SPAG16: variants seen among roughly 807,000 people sequenced by gnomAD.
SPAG16 encodes the protein sperm-associated antigen 16 protein.
SPAG16 carries 86 observed loss-of-function variants against 80.4 expected under a neutral mutation model. That is an observed-to-expected ratio of 1.07 (90% CI 0.90 to 1.28). The LOEUF (loss-of-function observed/expected upper bound fraction) is 1.28. Ranked by LOEUF, SPAG16 falls within the 50% of genes most tolerant of loss-of-function variation. The pLI is 0.00. For synonymous variants in SPAG16, 294 were observed against 265.9 expected (o/e 1.11, Z -1.03); for missense variants, 870 against 765.3 (o/e 1.14, Z -1.61).
chr2:213,832,596 T>C, intron 10 of SPAG16, among the ~76,000 whole-genome samples: 1 of 151,782 alleles, frequency 6.6e-6, no homozygotes, highest in East Asian at 1.9e-4. Flanking sequence ...TCCAGAGGAG[T>C]CCAGCCCTAT....
chr2:213,680,199 A>C (rs1439179975), intron 10 of SPAG16, among the ~76,000 whole-genome samples: 1 of 152,130 alleles, frequency 6.6e-6, no homozygotes, highest in Non-Finnish European at 1.5e-5. Flanking sequence ...CACCACTGGC[A>C]GAAAATTGAA....
chr2:213,371,940 T>C (rs915922159), intron 8 of SPAG16, among the ~76,000 whole-genome samples: 2 of 152,176 alleles, frequency 1.3e-5, no homozygotes, highest in African/African-American at 4.8e-5. Flanking sequence ...CAATTTTACA[T>C]TTATTCTTTA....
intron 9 of SPAG16, among the ~76,000 whole-genome samples, chr2:213,403,671 A>G (rs2068452938): frequency 1.3e-5 from 2 of 152,178 alleles, no homozygotes; most frequent in African/African-American, 4.8e-5. Context: ...CCCTCTCATC[A>G]TTCCTATTCA....
intron 12 of SPAG16, among the ~76,000 whole-genome samples, chr2:213,980,725 T>TATATATATATATATATAGAGAGAG (rs374274176): frequency 7.7e-4 from 80 of 103,952 alleles, no homozygotes; most frequent in Non-Finnish European, 9.9e-4. Context: ...TATATATATA[T>TATATATATATATATATAGAGAGAG]AGAGAGAGAG....
intron 10 of SPAG16, among the ~76,000 whole-genome samples, chr2:213,843,880 C>A (rs2074483777): frequency 6.6e-6 from 1 of 151,906 alleles, no homozygotes; most frequent in Non-Finnish European, 1.5e-5. Context: ...AGAACCCCTT[C>A]TTTTTTGGTC....
chr2:214,227,702 A>ATGTGTGTGTG lies in SPAG16; in HGVS notation c.1720+78464_1720+78473dup, dbSNP rs3044944. 8.9e-3 allele frequency among the ~76,000 whole-genome samples: 1,300 copies of ATGTGTGTGTG among 145,736 alleles called. 12 individuals carry two copies. The highest frequency in any genetic ancestry group is 0.035 in the Middle Eastern group (10 of 284). ...TAAATTTCTTTCTTGTGGAAGGTGT[A>ATGTGTGTGTG]TGTGTGTGTGTGTGTGTGTGTGTGT... On this transcript the variant is annotated intron_variant, in intron 15 of 15. Coordinates refer to ENST00000331683, the MANE Select transcript of SPAG16 (RefSeq NM_024532.5).
At chr2:214,144,037 A>G (rs760943623) in intron 14 of SPAG16, among the ~76,000 whole-genome samples, 76 of 152,156 alleles carry the variant, frequency 5.0e-4, no homozygotes, top group Non-Finnish European at 9.4e-4. Context: ...AAACACCTGT[A>G]GTTTCAACTA....
chr2:213,492,469 G>A (rs1384120509), intron 10 of SPAG16, among the ~76,000 whole-genome samples: 1 of 151,988 alleles, frequency 6.6e-6, no homozygotes, highest in Non-Finnish European at 1.5e-5. Flanking sequence ...AGAATGGCAT[G>A]AACCCGGGAG....
At chr2:214,196,997 A>G (rs1223587922) in intron 15 of SPAG16, among the ~76,000 whole-genome samples, 1 of 152,016 alleles carries the variant, frequency 6.6e-6, no homozygotes, top group African/African-American at 2.4e-5. Context: ...GTATAAATCT[A>G]ACAGCCATAA....
intron 15 of SPAG16, among the ~76,000 whole-genome samples, chr2:214,220,486 A>T (rs1333140836): frequency 1.3e-5 from 2 of 152,148 alleles, no homozygotes; most frequent in Non-Finnish European, 2.9e-5. Context: ...AGGTAACCTT[A>T]AAGTTAAGTC....
chr2:214,092,676 A>G (rs2052301402), intron 13 of SPAG16, among the ~76,000 whole-genome samples: 1 of 152,110 alleles, frequency 6.6e-6, no homozygotes, highest in South Asian at 2.1e-4. Flanking sequence ...TCTGCCAATT[A>G]TTAACTTATT....
intron 15 of SPAG16, among the ~76,000 whole-genome samples, chr2:214,407,129 C>T (rs1314207957): frequency 2.0e-5 from 3 of 151,738 alleles, no homozygotes; most frequent in Non-Finnish European, 4.4e-5. Context: ...TTTAAAATAC[C>T]TTTATAAATC....
chr2:213,982,610 G>GGTGT (rs57529616), intron 12 of SPAG16, among the ~76,000 whole-genome samples: 25,486 of 141,704 alleles, frequency 0.18, 2,375 homozygotes, highest in African/African-American at 0.21. Context: ...TATAGTTTCT[G>GGTGT]GTGTGTGTGT....
chr2:213,922,588 G>A (rs2078275217), intron 11 of SPAG16, among the ~76,000 whole-genome samples: 1 of 152,152 alleles, frequency 6.6e-6, no homozygotes. Context: ...ATTATTTAGA[G>A]GAAAGAAGGT....
intron 15 of SPAG16, among the ~76,000 whole-genome samples, chr2:214,333,259 T>C (rs1697053994): frequency 6.6e-6 from 1 of 152,216 alleles, no homozygotes; most frequent in East Asian, 1.9e-4. Context: ...TATATATGCT[T>C]GATTTCCTTG....
At chr2:213,314,107 T>C (rs1238536717) in intron 4 of SPAG16, among the ~76,000 whole-genome samples, 1 of 151,906 alleles carries the variant, frequency 6.6e-6, no homozygotes, top group Non-Finnish European at 1.5e-5. Context: ...TTAAATGCTT[T>C]TGTTATGTGG....
chr2:213,472,129 C>T (rs925274175), intron 9 of SPAG16, among the ~76,000 whole-genome samples: 2 of 152,034 alleles, frequency 1.3e-5, no homozygotes, highest in Non-Finnish European at 2.9e-5. Context: ...CAAGGTGTCT[C>T]CGAAAAAGAT....
At chr2:213,950,238 C>A (rs1301935322) in intron 12 of SPAG16, among the ~76,000 whole-genome samples, 1 of 152,130 alleles carries the variant, frequency 6.6e-6, no homozygotes, top group African/African-American at 2.4e-5. Context: ...GTTCCTGTGG[C>A]CCGCAGCAGT....
intron 5 of SPAG16, among the ~76,000 whole-genome samples, chr2:213,327,237 C>T (rs1464350157): frequency 2.0e-5 from 3 of 151,220 alleles, no homozygotes; most frequent in African/African-American, 7.3e-5. Flanking sequence ...ATATTAGCTG[C>T]TTATATGAAT....
Sources: allele counts gnomAD v4.1 joint callset (sites outside exome capture counted in the v4.1 genomes callset), GRCh38; gene constraint gnomAD v4.1.1; transcripts MANE v1.5; gene names NCBI Gene and HGNC (gene_info 2026-07-23, HGNC 2026-07-21).